KCNIP4: variants seen among roughly 807,000 people sequenced by gnomAD.
KCNIP4 encodes potassium voltage-gated channel interacting protein 4.
KCNIP4 carries 12 observed loss-of-function variants against 34.0 expected under a neutral mutation model. The ratio of observed to expected loss-of-function variants is 0.35; its 90% confidence interval spans 0.23 to 0.57. The LOEUF is 0.57. Among genes scored for constraint, KCNIP4 ranks in the 20% least tolerant of loss-of-function variants. The probability of loss-of-function intolerance (pLI) is 0.83; values close to 1 mark genes in which losing one functional copy is unlikely to be tolerated. For missense variants in KCNIP4, 238 were observed against 311.7 expected, an observed-to-expected ratio of 0.76 and a Z score of 1.78; for synonymous variants, 124 against 102.2, an observed-to-expected ratio of 1.21 and a Z score of -1.29.
intron 1 of KCNIP4, among the ~76,000 whole-genome samples, chr4:21,606,740 C>G (rs776790813): frequency 3.3e-5 from 5 of 152,104 alleles, no homozygotes; most frequent in Non-Finnish European, 7.3e-5. Flanking sequence ...ATAACAGGAG[C>G]GCATCACTAC....
intron 1 of KCNIP4, among the ~76,000 whole-genome samples, chr4:21,060,874 T>A (rs1412919894): frequency 1.3e-5 from 2 of 152,194 alleles, no homozygotes; most frequent in African/African-American, 2.4e-5. Context: ...ATTTATTTGT[T>A]ACAGCAGCAA....
At chr4:21,392,310 A>T (rs1722632395) in intron 1 of KCNIP4, among the ~76,000 whole-genome samples, 1 of 69,788 alleles carries the variant, frequency 1.4e-5, no homozygotes, top group African/African-American at 3.3e-5. Flanking sequence ...GCTAACTATT[A>T]AGAAGATTAT....
chr4:21,472,941 A>G (rs983588415), intron 1 of KCNIP4, among the ~76,000 whole-genome samples: 50 of 152,220 alleles, frequency 3.3e-4, no homozygotes, highest in African/African-American at 1.2e-3. Flanking sequence ...ACTTCTAAAA[A>G]TATGTCCTCT....
chr4:21,543,952 C>T (rs1234298213), intron 1 of KCNIP4, among the ~76,000 whole-genome samples: 1 of 152,050 alleles, frequency 6.6e-6, no homozygotes, highest in Non-Finnish European at 1.5e-5. Context: ...AGAAAACGAA[C>T]CATAATTTAT....
chr4:20,945,852 G>A (rs1732139614), intron 1 of KCNIP4, among the ~76,000 whole-genome samples: 1 of 152,154 alleles, frequency 6.6e-6, no homozygotes, highest in African/African-American at 2.4e-5. Flanking sequence ...AGCTCAGGAG[G>A]ACACGTAACA....
intron 1 of KCNIP4, among the ~76,000 whole-genome samples, chr4:21,398,637 C>G (rs1723213704): frequency 6.6e-6 from 1 of 152,186 alleles, no homozygotes; most frequent in African/African-American, 2.4e-5. Context: ...AAGCAGAGTA[C>G]AAACTACCCA....
chr4:21,264,419 G>A (rs921284734), intron 1 of KCNIP4, among the ~76,000 whole-genome samples: 4 of 152,174 alleles, frequency 2.6e-5, no homozygotes, highest in Admixed American at 1.3e-4. Context: ...GAGATGATTA[G>A]CATGGTGGTT....
At chr4:20,901,624 T>G (rs1156568622) in intron 1 of KCNIP4, among the ~76,000 whole-genome samples, 2 of 152,210 alleles carry the variant, frequency 1.3e-5, no homozygotes, top group Non-Finnish European at 2.9e-5. Flanking sequence ...CAGATTCAAA[T>G]ATTAATGGCA....
chr4:21,693,760 C>T (rs1169968444), intron 1 of KCNIP4, among the ~76,000 whole-genome samples: 2 of 152,080 alleles, frequency 1.3e-5, no homozygotes, highest in African/African-American at 4.8e-5. Context: ...TGAATTCTTA[C>T]CTCCTGCTTT....
chr4:21,801,536 A>G (rs186596362), intron 1 of KCNIP4, among the ~76,000 whole-genome samples: 4 of 152,280 alleles, frequency 2.6e-5, no homozygotes, highest in African/African-American at 7.2e-5. Flanking sequence ...ATTATTCCTC[A>G]TATCTGCCCA....
At chr4:20,973,623 T>G (rs1311121336) in intron 1 of KCNIP4, among the ~76,000 whole-genome samples, 1 of 152,236 alleles carries the variant, frequency 6.6e-6, no homozygotes, top group Non-Finnish European at 1.5e-5. Flanking sequence ...GTCTTGACTT[T>G]CATCATGCGT....
At chr4:21,322,314 CA>C (rs1714583549) in intron 1 of KCNIP4, among the ~76,000 whole-genome samples, 1 of 152,106 alleles carries the variant, frequency 6.6e-6, no homozygotes, top group Non-Finnish European at 1.5e-5. Context: ...ATGGTATCAA[CA>C]ACCAACCTCA....
At chr4:21,362,167 G>T (rs1462666709) in intron 1 of KCNIP4, among the ~76,000 whole-genome samples, 1 of 152,116 alleles carries the variant, frequency 6.6e-6, no homozygotes, top group Non-Finnish European at 1.5e-5. Context: ...GGAAGACAAA[G>T]AAATATGTAA....
At chr4:21,537,218 T>C (rs1737250607) in intron 1 of KCNIP4, among the ~76,000 whole-genome samples, 1 of 152,172 alleles carries the variant, frequency 6.6e-6, no homozygotes, top group Non-Finnish European at 1.5e-5. Context: ...AGATCAAGGT[T>C]CTGGCAAATG....
intron 1 of KCNIP4, among the ~76,000 whole-genome samples, chr4:21,237,718 T>G (rs1759472905): frequency 6.6e-6 from 1 of 152,170 alleles, no homozygotes; most frequent in Non-Finnish European, 1.5e-5. Flanking sequence ...TAACAGGCTC[T>G]GAAATTGAGG....
intron 1 of KCNIP4, among the ~76,000 whole-genome samples, chr4:21,924,081 CAAT>C (rs1417824356): frequency 6.6e-6 from 1 of 151,976 alleles, no homozygotes; most frequent in Non-Finnish European, 1.5e-5. Context: ...TTATAGGTGT[CAAT>C]AATCACATAT....
chr4:21,508,242 G>T (rs1734015099), intron 1 of KCNIP4, among the ~76,000 whole-genome samples: 1 of 151,988 alleles, frequency 6.6e-6, no homozygotes, highest in South Asian at 2.1e-4. Flanking sequence ...GTTTTCAAGG[G>T]AATCATTATT....
chr4:20,842,381 T>G (rs1719840304), intron 3 of KCNIP4, among the ~76,000 whole-genome samples: 1 of 151,936 alleles, frequency 6.6e-6, no homozygotes, highest in African/African-American at 2.4e-5. Context: ...TCCTTCTGGC[T>G]GGAGCAGAGT....
At chr4:21,349,911 C>G (rs561780411) in intron 1 of KCNIP4, among the ~76,000 whole-genome samples, 4 of 152,272 alleles carry the variant, frequency 2.6e-5, no homozygotes, top group Admixed American at 2.6e-4. Flanking sequence ...AGTTCTCAAA[C>G]TTATGTTTCT....
Sources: gnomAD v4.1 joint callset for allele counts (sites outside exome capture counted in the v4.1 genomes callset) on GRCh38, gnomAD v4.1.1 for gene constraint, MANE v1.5 for transcripts, NCBI Gene and HGNC (gene_info 2026-07-23, HGNC 2026-07-21) for gene names.